PDE4D: variants seen among roughly 807,000 people sequenced by gnomAD.
PDE4D encodes the protein 3',5'-cyclic-AMP phosphodiesterase 4D.
PDE4D carries 24 observed loss-of-function variants against 87.4 expected under a neutral mutation model. The ratio of observed to expected loss-of-function variants is 0.27; its 90% confidence interval spans 0.20 to 0.39. The LOEUF (loss-of-function observed/expected upper bound fraction) is 0.39, where lower values mean the gene tolerates loss of function less well. PDE4D is among the 10% of genes least tolerant of loss of function. PDE4D has a pLI of 1.00. For missense variants in PDE4D, 714 were observed against 1,041.0 expected, an observed-to-expected ratio of 0.69 and a Z score of 4.32; for synonymous variants, 384 against 383.2, an observed-to-expected ratio of 1.00 and a Z score of -0.02.
At chr5:59,022,909 C>T (rs1755460260) in intron 6 of PDE4D, among the ~76,000 whole-genome samples, 1 of 152,236 alleles carries the variant, frequency 6.6e-6, no homozygotes. Flanking sequence ...GGCACAGTGG[C>T]TTACGCCTGT....
chr5:60,398,909 CA>C (rs1763082666), intron 1 of PDE4D, among the ~76,000 whole-genome samples: 1 of 152,148 alleles, frequency 6.6e-6, no homozygotes, highest in Non-Finnish European at 1.5e-5. Flanking sequence ...CCAACCCCAA[CA>C]CCCTGTTTGT....
chr5:59,412,601 G>A (rs258125), intron 1 of PDE4D, among the ~76,000 whole-genome samples: 65,386 of 151,940 alleles, frequency 0.43, 14,338 homozygotes, highest in East Asian at 0.58. Flanking sequence ...CTTCTACAGG[G>A]TATTGATCCA....
At chr5:59,286,171 C>T (rs918868576) in intron 1 of PDE4D, among the ~76,000 whole-genome samples, 1 of 152,216 alleles carries the variant, frequency 6.6e-6, no homozygotes, top group African/African-American at 2.4e-5. Flanking sequence ...TCAAGCCTGG[C>T]TGGCTCCAGA....
chr5:59,634,648 A>G (rs963502934), intron 1 of PDE4D, among the ~76,000 whole-genome samples: 12 of 152,232 alleles, frequency 7.9e-5, no homozygotes, highest in Non-Finnish European at 1.5e-4. Context: ...TGGGTGAATA[A>G]CGAAACAAAG....
At chr5:58,993,841 G>A (rs1193772883) in intron 6 of PDE4D, among the ~76,000 whole-genome samples, 3 of 152,094 alleles carry the variant, frequency 2.0e-5, no homozygotes, top group Non-Finnish European at 4.4e-5. Context: ...GGAGAAATAA[G>A]CAAAGAAAAG....
intron 1 of PDE4D, among the ~76,000 whole-genome samples, chr5:59,349,699 A>G (rs1410151026): frequency 1.3e-5 from 2 of 152,186 alleles, no homozygotes; most frequent in African/African-American, 4.8e-5. Flanking sequence ...GATCAGAAAT[A>G]TCCACAGCAT....
intron 1 of PDE4D, among the ~76,000 whole-genome samples, chr5:59,348,179 C>T (rs1011257742): frequency 6.6e-6 from 1 of 152,050 alleles, no homozygotes; most frequent in South Asian, 2.1e-4. Flanking sequence ...AAATTTTTAA[C>T]TATAATTAAA....
At chr5:59,664,927 T>A (rs969334871) in intron 1 of PDE4D, among the ~76,000 whole-genome samples, 21 of 152,172 alleles carry the variant, frequency 1.4e-4, no homozygotes, top group Non-Finnish European at 2.9e-5. Context: ...GCCATCTATC[T>A]CCAAAAAGAA....
intron 6 of PDE4D, among the ~76,000 whole-genome samples, chr5:59,020,363 C>A (rs932164069): frequency 6.6e-6 from 1 of 152,028 alleles, no homozygotes; most frequent in Non-Finnish European, 1.5e-5. Context: ...ATACCCACTA[C>A]TCAGGAGGCT....
At chr5:60,321,792 G>A (rs766559490) in intron 1 of PDE4D, among the ~76,000 whole-genome samples, 3 of 152,056 alleles carry the variant, frequency 2.0e-5, no homozygotes, top group Non-Finnish European at 4.4e-5. Flanking sequence ...ATGTAAAAAT[G>A]TTCAACATCA....
In PDE4D at chr5:59,813,925, A is replaced by G. The variant is rs982025934; in HGVS notation, c.455+79243T>C. On this transcript the variant is annotated intron_variant, in intron 1 of 14. Coordinates refer to ENST00000340635, the MANE Select transcript of PDE4D (RefSeq NM_001104631.2). ...CTGAAATACTTAAAAATTACCTCTGAAAGTCTGAAACATGACAGAATGGAA... is the reference window on the plus strand; with the variant it reads ...CTGAAATACTTAAAAATTACCTCTGGAAGTCTGAAACATGACAGAATGGAA... 5.3e-5 allele frequency among the ~76,000 whole-genome samples: 8 copies of G among 152,288 alleles called. No homozygotes were observed. The East Asian group carries it at 1.3e-3, about 26-fold the overall frequency.
chr5:60,363,165 C>A (rs1233267710), intron 1 of PDE4D, among the ~76,000 whole-genome samples: 2 of 152,154 alleles, frequency 1.3e-5, no homozygotes, highest in African/African-American at 4.8e-5. Flanking sequence ...CCATTCTTAT[C>A]AGAATTATAG....
intron 1 of PDE4D, among the ~76,000 whole-genome samples, chr5:59,255,518 A>T (rs1760808588): frequency 6.6e-6 from 1 of 152,052 alleles, no homozygotes; most frequent in Admixed American, 6.6e-5. Flanking sequence ...GATTTTGGTG[A>T]CGGTTGCAAA....
At chr5:59,816,621 G>A (rs1335609189) in intron 1 of PDE4D, among the ~76,000 whole-genome samples, 1 of 152,164 alleles carries the variant, frequency 6.6e-6, no homozygotes, top group Non-Finnish European at 1.5e-5. Flanking sequence ...GATATACAAT[G>A]TATATTTTGG....
chr5:60,306,297 A>G (rs1374580972), intron 1 of PDE4D, among the ~76,000 whole-genome samples: 1 of 152,062 alleles, frequency 6.6e-6, no homozygotes, highest in Non-Finnish European at 1.5e-5. Context: ...AAAAATCTAT[A>G]TAAAATCTAA....
chr5:60,137,812 C>CT (rs1181850799), intron 2 of PDE4D, among the ~76,000 whole-genome samples: 8 of 151,574 alleles, frequency 5.3e-5, no homozygotes, highest in Non-Finnish European at 7.4e-5. Flanking sequence ...TCAATTTTTG[C>CT]TTTTTTTTGC....
intron 1 of PDE4D, among the ~76,000 whole-genome samples, chr5:59,668,918 G>GAAGAAGAAGAAGAAGA (rs1364102706): frequency 4.2e-5 from 3 of 71,148 alleles, no homozygotes; most frequent in East Asian, 5.8e-4. Flanking sequence ...AGAAGAAGAA[G>GAAGAAGAAGAAGAAGA]AAGAAAGAAA....
At chr5:59,624,136 C>T (rs1191627015) in intron 1 of PDE4D, among the ~76,000 whole-genome samples, 1 of 152,072 alleles carries the variant, frequency 6.6e-6, no homozygotes, top group African/African-American at 2.4e-5. Context: ...TGTTCTTTTC[C>T]TGTATTTCAG....
intron 1 of PDE4D, among the ~76,000 whole-genome samples, chr5:59,582,691 C>T (rs750511322): frequency 9.9e-5 from 15 of 152,032 alleles, no homozygotes; most frequent in Admixed American, 2.6e-4. Context: ...CTAGACTAAA[C>T]CTTTTAGAAA....
Sources: gnomAD v4.1 joint callset for allele counts (sites outside exome capture counted in the v4.1 genomes callset) on GRCh38, gnomAD v4.1.1 for gene constraint, MANE v1.5 for transcripts, NCBI Gene and HGNC (gene_info 2026-07-23, HGNC 2026-07-21) for gene names.